The following MGAT4C variants were observed in gnomAD, a reference collection of about 807,000 sequenced individuals.
The protein encoded by MGAT4C is MGAT4 family member C, also known as alpha-1,3-mannosyl-glycoprotein 4-beta-N-acetylglucosaminyltransferase C.
In MGAT4C, 19 loss-of-function variants were observed where a neutral mutation model predicts 40.1. That is an observed-to-expected ratio of 0.47 (90% CI 0.33 to 0.70). The LOEUF is 0.70. MGAT4C is among the 30% of genes least tolerant of loss of function. The probability of loss-of-function intolerance (pLI) is 0.02; values close to 1 mark genes in which losing one functional copy is unlikely to be tolerated. For missense variants in MGAT4C, 491 were observed against 563.2 expected, an observed-to-expected ratio of 0.87 and a Z score of 1.30; for synonymous variants, 181 against 187.1, an observed-to-expected ratio of 0.97 and a Z score of 0.27.
chr12:86,221,574 T>C (rs535883059), intron 1 of MGAT4C, among the ~76,000 whole-genome samples: 2 of 152,272 alleles, frequency 1.3e-5, no homozygotes, highest in African/African-American at 4.8e-5. Context: ...ACCTGCAATC[T>C]AAGTTAGTAT....
chr12:85,981,077 GAC>G (rs1884546097), intron 4 of MGAT4C, among the ~76,000 whole-genome samples: 1 of 151,882 alleles, frequency 6.6e-6, no homozygotes, highest in African/African-American at 2.4e-5. Flanking sequence ...AATATTATAA[GAC>G]ACATTCAAAA....
rs1883902329 is a variant in MGAT4C, at chr12:85,975,461, T to C, written c.*3828A>G. 1 of 151,000 alleles carries C rather than the reference T, an allele frequency of 6.6e-6. No homozygotes were observed. Among genetic ancestry groups the C allele is most frequent in the Non-Finnish European group, 1.5e-5 (1 of 67,160 alleles). 9.4% of individuals were successfully genotyped at this position (151,000 alleles called of 1,614,324 possible). A position where few individuals can be genotyped will look rare whatever the true frequency, so the allele number is the denominator to read the frequency against. On this transcript the variant is annotated 3_prime_UTR_variant, in exon 5 of 5. Transcript: ENST00000611864. ...AAAACATATGAGGTAAAATTATTCC[T>C]ATTCACAGATGTAGAAACTGAGTTT...
intron 2 of MGAT4C, among the ~76,000 whole-genome samples, chr12:86,541,813 C>T (rs1457371481): frequency 1.3e-5 from 2 of 152,132 alleles, no homozygotes; most frequent in Non-Finnish European, 2.9e-5. Context: ...CCACCTTAAG[C>T]TTCATGTCAT....
At chr12:86,655,372 A>C (rs1056388492) in intron 2 of MGAT4C, among the ~76,000 whole-genome samples, 1 of 152,066 alleles carries the variant, frequency 6.6e-6, no homozygotes, top group African/African-American at 2.4e-5. Context: ...TTCACTGTAC[A>C]TTTCATGCAT....
At chr12:86,576,635 A>G (rs575502439) in intron 2 of MGAT4C, among the ~76,000 whole-genome samples, 1 of 151,770 alleles carries the variant, frequency 6.6e-6, no homozygotes, top group Admixed American at 6.6e-5. Context: ...CACTGTAGGT[A>G]TCTGGATTTG....
chr12:86,365,191 A>G (rs1955565014), intron 3 of MGAT4C, among the ~76,000 whole-genome samples: 1 of 152,200 alleles, frequency 6.6e-6, no homozygotes, highest in South Asian at 2.1e-4. Flanking sequence ...GAATTCAGCA[A>G]TATTTTTCCC....
intron 2 of MGAT4C, among the ~76,000 whole-genome samples, chr12:86,017,673 C>G (rs1381724073): frequency 6.6e-6 from 1 of 152,066 alleles, no homozygotes; most frequent in African/African-American, 2.4e-5. Flanking sequence ...TATCAAAATT[C>G]AGATATGGTG....
intron 2 of MGAT4C, among the ~76,000 whole-genome samples, chr12:86,023,958 A>G (rs910280141): frequency 5.3e-5 from 8 of 151,882 alleles, no homozygotes; most frequent in African/African-American, 1.9e-4. Context: ...TCCACATATT[A>G]TCTTGCATCT....
chr12:86,254,892 C>A (rs1415388451), intron 1 of MGAT4C, among the ~76,000 whole-genome samples: 3 of 152,026 alleles, frequency 2.0e-5, no homozygotes, highest in Non-Finnish European at 4.4e-5. Flanking sequence ...CTAAAGGAGA[C>A]AATTCGAACA....
chr12:86,244,587 C>G (rs192057366), intron 1 of MGAT4C, among the ~76,000 whole-genome samples: 1 of 152,320 alleles, frequency 6.6e-6, no homozygotes, highest in East Asian at 1.9e-4. Flanking sequence ...GCTGATACAG[C>G]AATGGATACA....
intron 2 of MGAT4C, among the ~76,000 whole-genome samples, chr12:86,570,212 G>T (rs1338659384): frequency 2.0e-5 from 3 of 152,050 alleles, no homozygotes; most frequent in Admixed American, 1.3e-4. Flanking sequence ...CCACAAAAAA[G>T]ACAAGTAGTG....
intron 2 of MGAT4C, among the ~76,000 whole-genome samples, chr12:86,049,194 A>G (rs1892673977): frequency 6.6e-6 from 1 of 152,004 alleles, no homozygotes; most frequent in Non-Finnish European, 1.5e-5. Flanking sequence ...GAGCAAAACT[A>G]CTCATTAACA....
At chr12:86,784,021 A>G (rs370325159) in intron 1 of MGAT4C, among the ~76,000 whole-genome samples, 5 of 152,254 alleles carry the variant, frequency 3.3e-5, no homozygotes, top group African/African-American at 1.2e-4. Context: ...AGTTAAGTAC[A>G]TGTATATTAA....
intron 1 of MGAT4C, among the ~76,000 whole-genome samples, chr12:86,177,946 C>CT (rs1176166353): frequency 1.3e-5 from 2 of 151,686 alleles, no homozygotes; most frequent in East Asian, 1.9e-4. Context: ...GTTGATTTTA[C>CT]TTTTTTTTGA....
intron 2 of MGAT4C, among the ~76,000 whole-genome samples, chr12:86,021,719 C>T (rs960465044): frequency 2.0e-5 from 3 of 151,860 alleles, no homozygotes; most frequent in African/African-American, 7.3e-5. Flanking sequence ...GCACATGTAC[C>T]CTAAAACTTA....
chr12:86,683,750 T>C (rs1165082191), intron 2 of MGAT4C, among the ~76,000 whole-genome samples: 1 of 152,182 alleles, frequency 6.6e-6, no homozygotes, highest in Non-Finnish European at 1.5e-5. Context: ...TCCTAAAGCT[T>C]AAAATCATTT....
chr12:86,465,762 C>T (rs769958364), intron 2 of MGAT4C, among the ~76,000 whole-genome samples: 1 of 152,152 alleles, frequency 6.6e-6, no homozygotes, highest in Non-Finnish European at 1.5e-5. Context: ...GCAATGGGAG[C>T]TCTCTTTCAT....
At chr12:86,105,104 C>G (rs1018738120) in intron 1 of MGAT4C, among the ~76,000 whole-genome samples, 18 of 152,092 alleles carry the variant, frequency 1.2e-4, no homozygotes, top group South Asian at 4.1e-4. Context: ...TATTCTAAAT[C>G]AATCATATCA....
At chr12:86,332,525 C>A (rs534976443) in intron 4 of MGAT4C, among the ~76,000 whole-genome samples, 2 of 152,004 alleles carry the variant, frequency 1.3e-5, no homozygotes, top group African/African-American at 4.8e-5. Flanking sequence ...GAATTCAAAC[C>A]AATATCTATC....
Sources: allele counts gnomAD v4.1 joint callset (sites outside exome capture counted in the v4.1 genomes callset), GRCh38; gene constraint gnomAD v4.1.1; transcripts MANE v1.5; gene names NCBI Gene and HGNC (gene_info 2026-07-23, HGNC 2026-07-21).